The following MAN1B1 variants were observed in gnomAD, a reference collection of about 807,000 sequenced individuals.
MAN1B1 encodes mannosidase alpha class 1B member 1, also known as endoplasmic reticulum mannosyl-oligosaccharide 1,2-alpha-mannosidase.
MAN1B1 carries 66 observed loss-of-function variants against 75.5 expected under a neutral mutation model. The ratio of observed to expected loss-of-function variants is 0.87; its 90% CI spans 0.72 to 1.07. The LOEUF is 1.07. Ranked by LOEUF, MAN1B1 falls within the 50% of genes least tolerant of loss-of-function variation. The pLI is 0.00. For missense variants in MAN1B1, 973 were observed against 912.5 expected (o/e 1.07, Z -0.85); for synonymous variants, 453 against 382.8 (o/e 1.18, Z -2.14).
At chr9:137,107,127 G>C in intron 10 of MAN1B1, 123 bp from the exon 11 acceptor site, 1 of 1,070,094 alleles carries the variant, frequency 9.3e-7, no homozygotes, top group South Asian at 1.5e-5. Context: ...GTGCCCTCGC[G>C]TGGCCTCCCC....
At position 137,107,264 on chromosome 9, in the gene MAN1B1, C is replaced by T. The variant is rs1405146099; in HGVS notation, c.1581C>T (p.Cys527=). Residue 527 remains cysteine (C), a synonymous_variant, in exon 11 of 13, where the codon TGC becomes TGT. Coordinates refer to ENST00000371589, the MANE Select transcript of MAN1B1 (RefSeq NM_016219.5). The stretch of plus-strand genomic sequence containing the variant: ...TCTGATTCCAGGACCACCTGGTGTG[C>T]TTCCTGCCAGGGACGCTGGCTCTGG... ...RFSAKMDHLV[C]FLPGTLALGV... is the part of the protein sequence containing the mutation. 6.2e-7 allele frequency: 1 copy of T among 1,612,954 alleles called. No homozygotes were observed. Among genetic ancestry groups the T allele is most frequent in the Non-Finnish European group, 8.5e-7 (1 of 1,179,924 alleles).
Position 137,106,248 on chromosome 9 carries a change from G to T in MAN1B1, c.1378G>T (p.Ala460Ser), listed in dbSNP as rs1215937759. 6.3e-7 allele frequency: 1 copy of T among 1,587,390 alleles called. No individual in the cohort carries two copies. The highest frequency in any genetic ancestry group is 2.3e-5 in the East Asian group (1 of 44,070). ...FTHLGVFTLG[A>S]RADSYYEYLL... The stretch of plus-strand genomic sequence containing the variant: ...CCACCTGGGCGTATTCACGCTGGGC[G>T]CCAGGGCCGACAGCTACTATGAGTA... The change falls in exon 9 of 13, where the codon GCC (alanine) becomes TCC (serine). Residue 460 changes from alanine to serine, a missense_variant. By Grantham distance (99) the Ala-to-Ser change is moderately conservative. Transcript: ENST00000371589.
At chr9:137,108,198 G>C in intron 12 of MAN1B1, 190 bp from the exon 13 acceptor site, 1 of 634,758 alleles carries the variant, frequency 1.6e-6, no homozygotes, top group Non-Finnish European at 2.8e-6. Flanking sequence ...CTTGAGGGTT[G>C]TTGGCATTTC....
intron 5 of MAN1B1, among the ~76,000 whole-genome samples, chr9:137,098,750 A>G (rs1470142914): frequency 6.6e-6 from 1 of 152,166 alleles, no homozygotes; most frequent in Non-Finnish European, 1.5e-5. Flanking sequence ...TCACACTTGT[A>G]ATCCCAGCAC....
chr9:137,098,457 G>C (rs1830717288), intron 5 of MAN1B1, among the ~76,000 whole-genome samples: 3 of 150,646 alleles, frequency 2.0e-5, no homozygotes, highest in South Asian at 4.3e-4. Flanking sequence ...GCTTGTCTGT[G>C]GGGGCTCATG....
At position 137,108,585 on chromosome 9, in the gene MAN1B1, T is replaced by C. The variant is rs769165698; in HGVS notation, c.2094T>C (p.Pro698=). The C allele has an allele frequency of 3.1e-6, 5 of 1,613,570 alleles. No homozygotes were observed. Among genetic ancestry groups the C allele is most frequent in the Admixed American group, 1.7e-5 (1 of 60,002 alleles). Residue 698 remains proline, a synonymous_variant, in exon 13 of 13, where the codon CCT becomes CCC. Coordinates refer to ENST00000371589, the MANE Select transcript of MAN1B1 (RefSeq NM_016219.5). ...TEAHPLPIWT[P]A is the part of the protein sequence containing the mutation. ...CCCACCCTCTGCCTATCTGGACCCC[T>C]GCCTAGGGTGGATGGCTGCTGGTGT...
Position 137,108,396 on chromosome 9 carries a change from G to A in MAN1B1, c.1905G>A (p.Ser635=), listed in dbSNP as rs114484315. 2.4e-5 allele frequency: 38 copies of A among 1,613,460 alleles called. No individual in the cohort carries two copies. In the East Asian group the frequency reaches 2.9e-4, roughly 12 times the overall value. ...QSFSRFTRVP[S]GGYSSINNVQ... is the part of the protein sequence containing the mutation. Reference sequence around the variant, plus strand: ...CCCTGGCTGCTGCACAGGTCCCCTCGGGTGGCTATTCTTCCATCAACAATG... The same window carrying A: ...CCCTGGCTGCTGCACAGGTCCCCTCAGGTGGCTATTCTTCCATCAACAATG... Residue 635 remains serine (S), a synonymous_variant, in exon 13 of 13, where the codon TCG becomes TCA. Coordinates refer to ENST00000371589, the MANE Select transcript of MAN1B1 (RefSeq NM_016219.5).
intron 9 of MAN1B1, 102 bp from the exon 10 acceptor site, chr9:137,106,587 G>T: frequency 5.7e-6 from 9 of 1,575,684 alleles, no homozygotes; most frequent in Non-Finnish European, 7.8e-6. Flanking sequence ...GCAAGGGCCA[G>T]GCCTGCTGTA....
chr9:137,093,835 A>G (rs1310356743), intron 3 of MAN1B1, among the ~76,000 whole-genome samples: 1 of 151,862 alleles, frequency 6.6e-6, no homozygotes, highest in Non-Finnish European at 1.5e-5. Flanking sequence ...CTCTGTCTCA[A>G]AAAAAAGAGA....
At chr9:137,099,029 G>C (rs746697965) in intron 5 of MAN1B1, among the ~76,000 whole-genome samples, 2 of 152,058 alleles carry the variant, frequency 1.3e-5, no homozygotes, top group Non-Finnish European at 1.5e-5. Flanking sequence ...GGGGTTTCGC[G>C]ATGTTGGCGA....
intron 8 of MAN1B1, chr9:137,103,321 G>C (rs1830956956): frequency 6.7e-6 from 3 of 445,970 alleles, no homozygotes; most frequent in Admixed American, 4.9e-5. Flanking sequence ...CAGGCGTGCA[G>C]GTCGGTGGTG....
chr9:137,108,643 G>T lies in MAN1B1; in HGVS notation c.*52G>T, dbSNP rs941874312. ...TCGGGTGGGCAGAGGCACCTTGCTGGGTCTGTGGCATTTTCCAAGGGCCCA... is the reference window on the plus strand; with the variant it reads ...TCGGGTGGGCAGAGGCACCTTGCTGTGTCTGTGGCATTTTCCAAGGGCCCA... On this transcript the variant is annotated 3_prime_UTR_variant, in exon 13 of 13. Coordinates refer to ENST00000371589, the MANE Select transcript of MAN1B1 (RefSeq NM_016219.5). 1.9e-6 allele frequency: 3 copies of T among 1,567,704 alleles called. No homozygotes were observed. The highest frequency in any genetic ancestry group is 2.6e-6 in the Non-Finnish European group (3 of 1,139,114).
chr9:137,099,710 C>A lies in MAN1B1; in HGVS notation c.745C>A (p.Arg249Ser). The A allele has an allele frequency of 6.2e-7, 1 of 1,614,222 alleles. No individual in the cohort carries two copies. The highest frequency in any genetic ancestry group is 1.1e-5 in the South Asian group (1 of 91,088). Residue 249 changes from arginine to serine, a missense_variant, in exon 6 of 13, where the codon CGC becomes AGC. Arg to Ser is a moderately radical substitution (Grantham distance 110, BLOSUM62 -1). Coordinates refer to ENST00000371589, the MANE Select transcript of MAN1B1 (RefSeq NM_016219.5). Reference sequence around the variant, plus strand: ...CCCCCTACTAGTGCATCTGAACTATCGCCAGAAGGGCGTGATTGACGTCTT... The same window carrying A: ...CCCCCTACTAGTGCATCTGAACTATAGCCAGAAGGGCGTGATTGACGTCTT... ...TQGTPVHLNY[R>S]QKGVIDVFLH...
chr9:137,089,667 T>C (rs925312973), intron 3 of MAN1B1, among the ~76,000 whole-genome samples: 3 of 152,172 alleles, frequency 2.0e-5, no homozygotes, highest in African/African-American at 7.2e-5. Flanking sequence ...CTGAGATGTT[T>C]ACTGTGAAAC....
Position 137,106,156 on chromosome 9 carries a change from ACGGCCTGT to A in MAN1B1, c.1288_1295del (p.Gly430TrpfsTer35). 1 of 1,613,016 alleles carries A rather than the reference ACGGCCTGT, an allele frequency of 6.2e-7. No homozygotes were observed. The highest frequency in any genetic ancestry group is 8.5e-7 in the Non-Finnish European group (1 of 1,179,958). On this transcript the variant is annotated frameshift_variant, in exon 9 of 13. Coordinates refer to ENST00000371589, the MANE Select transcript of MAN1B1 (RefSeq NM_016219.5). LOFTEE classifies it high-confidence loss of function. ...GTGGAGAAGGTGACACAGCACATCC[ACGGCCTGT>A]CTGGGAAGAAGGATGGGCTGGTGCC...
At position 137,106,227 on chromosome 9, in the gene MAN1B1, C is replaced by G; in HGVS notation, c.1357C>G (p.Leu453Val). The G allele has an allele frequency of 6.2e-7, 1 of 1,606,954 alleles. No homozygotes were observed. Among genetic ancestry groups the G allele is most frequent in the East Asian group, 2.2e-5 (1 of 44,728 alleles). Residue 453 changes from leucine to valine, a missense_variant, in exon 9 of 13, where the codon CTG becomes GTG. By Grantham distance (32) the Leu-to-Val change is conservative. Coordinates refer to ENST00000371589, the MANE Select transcript of MAN1B1 (RefSeq NM_016219.5). ...INTHSGLFTHLGVFTLGARAD... is the reference protein window; with the variant it reads ...INTHSGLFTHVGVFTLGARAD... ...TACCCACAGTGGCCTCTTCACCCAC[C>G]TGGGCGTATTCACGCTGGGCGCCAG...
chr9:137,108,000 T>C (rs909312180), intron 12 of MAN1B1: 8 of 620,870 alleles, frequency 1.3e-5, no homozygotes, highest in Non-Finnish European at 2.3e-5. Context: ...CCATCCCCAC[T>C]GTGGACCAGG....
At chr9:137,100,354 G>A (rs1471384110) in intron 6 of MAN1B1, among the ~76,000 whole-genome samples, 1 of 152,162 alleles carries the variant, frequency 6.6e-6, no homozygotes, top group Non-Finnish European at 1.5e-5. Flanking sequence ...TAATTTTTTT[G>A]GGTCGTAGCC....
At chr9:137,100,469 A>G (rs1830779011) in intron 6 of MAN1B1, among the ~76,000 whole-genome samples, 2 of 152,176 alleles carry the variant, frequency 1.3e-5, no homozygotes, top group East Asian at 1.9e-4. Flanking sequence ...AGGAGGTGAT[A>G]TTGAAGCCCT....
Sources: gnomAD v4.1 joint callset for allele counts (sites outside exome capture counted in the v4.1 genomes callset) on GRCh38, gnomAD v4.1.1 for gene constraint, MANE v1.5 for transcripts, NCBI Gene and HGNC (gene_info 2026-07-23, HGNC 2026-07-21) for gene names.